Variants in CCR3 observed in about 807,000 individuals in gnomAD.
The protein encoded by CCR3 is C-C chemokine receptor type 3.
For synonymous variants in CCR3, 203 were observed against 179.2 expected, an observed-to-expected ratio of 1.13 and a Z score of -1.06; for missense variants, 419 against 437.5, an observed-to-expected ratio of 0.96 and a Z score of 0.38.
At chr3:46,214,121 C>T (rs1699747312) in intron 2 of CCR3, among the ~76,000 whole-genome samples, 1 of 152,244 alleles carries the variant, frequency 6.6e-6, no homozygotes, top group South Asian at 2.1e-4. Flanking sequence ...CTGCATTCCC[C>T]TCTTTTAGAC....
At chr3:46,241,087 G>A (rs951846982), upstream of CCR3, among the ~76,000 whole-genome samples, 1 of 151,888 alleles carries the variant, frequency 6.6e-6, no homozygotes, top group Non-Finnish European at 1.5e-5. Flanking sequence ...TGGAAACTGA[G>A]CCCCTTCCTC....
intron 2 of CCR3, among the ~76,000 whole-genome samples, chr3:46,222,331 G>A (rs1323127931): frequency 1.3e-5 from 2 of 152,220 alleles, no homozygotes. Context: ...GATGGGTCCA[G>A]TATGATAATC....
At chr3:46,241,737 C>T (rs919355059), upstream of CCR3, among the ~76,000 whole-genome samples, 7 of 152,238 alleles carry the variant, frequency 4.6e-5, no homozygotes, top group African/African-American at 1.4e-4. Flanking sequence ...TTGTCTAAAC[C>T]TTTGCAGCCA....
Position 46,265,977 on chromosome 3 carries a change from T to C in CCR3, c.819T>C (p.Cys273=). The C allele has an allele frequency of 6.2e-7, 1 of 1,614,116 alleles. No homozygotes were observed. The highest frequency in any genetic ancestry group is 8.5e-7 in the Non-Finnish European group (1 of 1,180,000). Residue 273 remains cysteine, a synonymous_variant, in exon 2 of 2, where the codon TGT becomes TGC. Transcript: ENST00000395940. Reference sequence around the variant, plus strand: ...AATCCATCTTATTTGGAAATGACTGTGAGCGGAGCAAGCATCTGGACCTGG... The same window carrying C: ...AATCCATCTTATTTGGAAATGACTGCGAGCGGAGCAAGCATCTGGACCTGG... ...SYQSILFGND[C]ERSKHLDLVM... is the part of the protein sequence containing the mutation.
intron 1 of CCR3, among the ~76,000 whole-genome samples, chr3:46,257,969 C>T (rs1047283282): frequency 6.6e-6 from 1 of 152,198 alleles, no homozygotes; most frequent in Non-Finnish European, 1.5e-5. Context: ...TCTAAAGCAA[C>T]AGAAGAAAAG....
At chr3:46,222,259 G>T (rs1459825244) in intron 2 of CCR3, among the ~76,000 whole-genome samples, 1 of 152,194 alleles carries the variant, frequency 6.6e-6, no homozygotes, top group African/African-American at 2.4e-5. Flanking sequence ...GATGGCCATG[G>T]TGGAGGTGGG....
upstream of CCR3, chr3:46,242,379 A>G (rs984801958): frequency 2.6e-5 from 4 of 152,222 alleles, no homozygotes; most frequent in Admixed American, 1.3e-4. Context: ...AATGTCTGTG[A>G]TCTGATGGTA....
chr3:46,236,374 T>A (rs1003162642), intron 2 of CCR3, among the ~76,000 whole-genome samples: 1 of 152,208 alleles, frequency 6.6e-6, no homozygotes. Context: ...TGGTGGTGCA[T>A]GTGCAAGGCC....
chr3:46,215,828 T>TA (rs1461890342), intron 2 of CCR3, among the ~76,000 whole-genome samples: 4 of 152,216 alleles, frequency 2.6e-5, no homozygotes, highest in Admixed American at 6.5e-5. Flanking sequence ...TTTCAGCTTG[T>TA]AGATGTTCAG....
intron 2 of CCR3, among the ~76,000 whole-genome samples, chr3:46,235,847 C>T (rs772050710): frequency 1.3e-5 from 2 of 152,202 alleles, no homozygotes; most frequent in East Asian, 3.8e-4. Flanking sequence ...AAGCACATGG[C>T]ATCTGCTGCC....
At chr3:46,263,037 T>G (rs1195182986) in intron 1 of CCR3, among the ~76,000 whole-genome samples, 14 of 152,232 alleles carry the variant, frequency 9.2e-5, no homozygotes, top group Admixed American at 9.2e-4. Flanking sequence ...GCATGCTTTC[T>G]TGAGCTGTGA....
At chr3:46,242,976 T>TAC (rs1186317302) in intron 1 of CCR3, among the ~76,000 whole-genome samples, 3 of 90,696 alleles carry the variant, frequency 3.3e-5, no homozygotes, top group Non-Finnish European at 6.5e-5. Context: ...TATATATATA[T>TAC]ATACACATAT....
chr3:46,243,293 GC>G (rs1700129167), intron 1 of CCR3, among the ~76,000 whole-genome samples: 1 of 152,020 alleles, frequency 6.6e-6, no homozygotes, highest in Non-Finnish European at 1.5e-5. Context: ...ACTTTGTGGA[GC>G]TTTTTCCCAG....
At chr3:46,259,063 G>A (rs9811303) in intron 1 of CCR3, among the ~76,000 whole-genome samples, 2 of 151,606 alleles carry the variant, frequency 1.3e-5, no homozygotes, top group Non-Finnish European at 1.5e-5. Context: ...GTCAGTGGAG[G>A]TCCAGGGAAC....
intron 2 of CCR3, among the ~76,000 whole-genome samples, chr3:46,216,731 G>C (rs546808622): frequency 1.6e-4 from 24 of 152,202 alleles, no homozygotes; most frequent in African/African-American, 5.5e-4. Flanking sequence ...TATCACCCTA[G>C]AGCGTTGGAT....
At chr3:46,243,220 C>G (rs978994573) in intron 1 of CCR3, among the ~76,000 whole-genome samples, 1 of 151,996 alleles carries the variant, frequency 6.6e-6, no homozygotes, top group African/African-American at 2.4e-5. Context: ...ATACAGAGCG[C>G]TTCATTCATG....
chr3:46,262,694 G>A (rs1700548702), intron 1 of CCR3, among the ~76,000 whole-genome samples: 3 of 151,706 alleles, frequency 2.0e-5, no homozygotes, highest in South Asian at 2.1e-4. Flanking sequence ...TCTGGCTGTC[G>A]CCCAGGCTGG....
At chr3:46,211,217 T>C (rs368124274) in intron 2 of CCR3, among the ~76,000 whole-genome samples, 1 of 140,340 alleles carries the variant, frequency 7.1e-6, no homozygotes, top group Non-Finnish European at 1.5e-5. Flanking sequence ...TTTTTTTTTT[T>C]AGACAAGGTC....
At chr3:46,258,218 C>T (rs570418121) in intron 1 of CCR3, among the ~76,000 whole-genome samples, 1 of 152,302 alleles carries the variant, frequency 6.6e-6, no homozygotes, top group East Asian at 1.9e-4. Context: ...TCCACAGATC[C>T]ACCCTTTGTC....
Sources: allele counts gnomAD v4.1 joint callset (sites outside exome capture counted in the v4.1 genomes callset), GRCh38; gene constraint gnomAD v4.1.1; transcripts MANE v1.5; gene names NCBI Gene and HGNC (gene_info 2026-07-23, HGNC 2026-07-21).